Variants in DLG2 observed in about 807,000 individuals in gnomAD.
The protein encoded by DLG2 is disks large homolog 2.
In DLG2, 45 loss-of-function variants were observed where a neutral mutation model predicts 132.5. The ratio of observed to expected loss-of-function variants is 0.34; its 90% confidence interval spans 0.27 to 0.44. The LOEUF is 0.44. DLG2 is among the 20% of genes least tolerant of loss of function. The pLI, the probability that DLG2 is intolerant of heterozygous loss-of-function variation, is 1.00. For synonymous variants in DLG2, 424 were observed against 419.6 expected (o/e 1.01, Z -0.13); for missense variants, 1,045 against 1,196.9 (o/e 0.87, Z 1.87).
chr11:84,034,502 C>T (rs1229481325), intron 11 of DLG2, among the ~76,000 whole-genome samples: 2 of 152,016 alleles, frequency 1.3e-5, no homozygotes, highest in Non-Finnish European at 2.9e-5. Flanking sequence ...GAAGCTTTTC[C>T]TTGAATATCC....
chr11:83,480,559 A>ATC, intron 22 of DLG2: 1 of 1,541,198 alleles, frequency 6.5e-7, no homozygotes. Context: ...GAAAACTCAG[A>ATC]TAAGATAAAG....
At chr11:85,013,682 T>C (rs578018714) in intron 6 of DLG2, among the ~76,000 whole-genome samples, 2 of 152,252 alleles carry the variant, frequency 1.3e-5, no homozygotes, top group East Asian at 3.9e-4. Flanking sequence ...GAAATGCCCA[T>C]AAGAGAAGAT....
chr11:85,487,668 T>C (rs896448274), intron 3 of DLG2, among the ~76,000 whole-genome samples: 2 of 152,054 alleles, frequency 1.3e-5, no homozygotes, highest in African/African-American at 2.4e-5. Flanking sequence ...GCCTTTAAGA[T>C]GTTTGGCAGT....
chr11:84,218,929 G>T (rs2096876631), intron 8 of DLG2, among the ~76,000 whole-genome samples: 1 of 152,130 alleles, frequency 6.6e-6, no homozygotes, highest in African/African-American at 2.4e-5. Flanking sequence ...TTAAGTGAGA[G>T]AAAAATATTT....
intron 3 of DLG2, among the ~76,000 whole-genome samples, chr11:85,424,632 C>G (rs1169161844): frequency 1.3e-5 from 2 of 152,166 alleles, no homozygotes; most frequent in African/African-American, 4.8e-5. Context: ...CATTACTATT[C>G]TCTTATATAT....
At chr11:84,239,811 A>C (rs900518686) in intron 8 of DLG2, among the ~76,000 whole-genome samples, 3 of 152,200 alleles carry the variant, frequency 2.0e-5, no homozygotes, top group Non-Finnish European at 4.4e-5. Flanking sequence ...TGAAATTAGA[A>C]ATGATGAAAA....
At chr11:84,080,497 G>C (rs1054202322) in intron 10 of DLG2, among the ~76,000 whole-genome samples, 1 of 152,046 alleles carries the variant, frequency 6.6e-6, no homozygotes, top group Non-Finnish European at 1.5e-5. Context: ...TCTCACATAA[G>C]GCACAATCAA....
intron 7 of DLG2, among the ~76,000 whole-genome samples, chr11:84,368,274 A>T (rs1434033039): frequency 6.6e-6 from 1 of 152,098 alleles, no homozygotes; most frequent in Non-Finnish European, 1.5e-5. Flanking sequence ...AAAATATCTT[A>T]TTTTAGCTTT....
At chr11:83,628,916 A>T (rs1438740738) in intron 19 of DLG2, among the ~76,000 whole-genome samples, 1 of 152,208 alleles carries the variant, frequency 6.6e-6, no homozygotes, top group Non-Finnish European at 1.5e-5. Flanking sequence ...AATGGAAAAT[A>T]ACAAAGTACA....
At position 83,804,941 on chromosome 11, in the gene DLG2, ACT is replaced by A. The variant is rs572521086; in HGVS notation, c.1723-18151_1723-18150del. On this transcript the variant is annotated intron_variant, in intron 17 of 27. Transcript: ENST00000376104. The stretch of plus-strand genomic sequence containing the variant: ...CTACATTTTTCTTTAAATAAAATTT[ACT>A]CTTTTTTTAAAAATAATTTCAGTCA... Among the ~76,000 whole-genome samples, 411 of 152,094 alleles carry A rather than the reference ACT, an allele frequency of 2.7e-3. 4 individuals carry two copies. The highest frequency in any genetic ancestry group is 0.01 in the Middle Eastern group (3 of 294).
intron 4 of DLG2, among the ~76,000 whole-genome samples, chr11:85,259,787 T>C (rs1337056980): frequency 1.3e-5 from 2 of 152,018 alleles, no homozygotes; most frequent in Non-Finnish European, 2.9e-5. Flanking sequence ...CACATTAGCC[T>C]CCACCTCACT....
chr11:83,674,980 G>C (rs1592231971), intron 18 of DLG2, among the ~76,000 whole-genome samples: 1 of 152,226 alleles, frequency 6.6e-6, no homozygotes, highest in Admixed American at 6.5e-5. Flanking sequence ...GCATTTGGAT[G>C]CCAGAAAATT....
intron 6 of DLG2, among the ~76,000 whole-genome samples, chr11:84,666,109 C>T (rs973633929): frequency 6.6e-6 from 1 of 152,112 alleles, no homozygotes; most frequent in Non-Finnish European, 1.5e-5. Flanking sequence ...TTATTTGCTG[C>T]TCAGCCAGAT....
intron 4 of DLG2, among the ~76,000 whole-genome samples, chr11:85,181,690 A>G (rs1364694920): frequency 6.6e-6 from 1 of 151,882 alleles, no homozygotes; most frequent in Non-Finnish European, 1.5e-5. Flanking sequence ...ATTTGTATTA[A>G]GAGTGTACTT....
In DLG2 at chr11:83,831,522, G is replaced by A. The variant is rs532252012; in HGVS notation, c.1722+2092C>T. On this transcript the variant is annotated intron_variant, in intron 17 of 27. Coordinates refer to ENST00000376104, the MANE Select transcript of DLG2 (RefSeq NM_001142699.3). ...ATTCAGGTAAACTGTGTGTGTGTGT[G>A]TGTGTATGTCAGAGAGAGAGAGAGA... is the stretch of plus-strand genomic sequence containing the variant. Among the ~76,000 whole-genome samples the A allele has an allele frequency of 5.9e-4, 90 of 152,184 alleles. 1 individual carries two copies. Among genetic ancestry groups the A allele is most frequent in the African/African-American group, 2.1e-3 (87 of 41,502 alleles).
intron 4 of DLG2, among the ~76,000 whole-genome samples, chr11:85,174,913 C>T (rs2079114618): frequency 6.6e-6 from 1 of 151,990 alleles, no homozygotes; most frequent in African/African-American, 2.4e-5. Flanking sequence ...AAGACAGAAC[C>T]AGGGCAAAAA....
At chr11:84,587,767 C>T (rs2099533167) in intron 6 of DLG2, among the ~76,000 whole-genome samples, 1 of 152,132 alleles carries the variant, frequency 6.6e-6, no homozygotes, top group African/African-American at 2.4e-5. Flanking sequence ...TAAAGAACTC[C>T]ATGAAAACCT....
intron 10 of DLG2, among the ~76,000 whole-genome samples, chr11:84,068,149 T>C (rs540334540): frequency 2.4e-4 from 36 of 152,336 alleles, no homozygotes; most frequent in African/African-American, 7.9e-4. Flanking sequence ...TCCAAAAAGA[T>C]GGGGAATAAA....
intron 6 of DLG2, among the ~76,000 whole-genome samples, chr11:84,833,353 TC>T (rs1566088919): frequency 1.3e-5 from 2 of 151,472 alleles, no homozygotes; most frequent in African/African-American, 4.8e-5. Flanking sequence ...TATTTACTGC[TC>T]CTAGCACAAG....
Sources: allele counts gnomAD v4.1 joint callset (sites outside exome capture counted in the v4.1 genomes callset), GRCh38; gene constraint gnomAD v4.1.1; transcripts MANE v1.5; gene names NCBI Gene and HGNC (gene_info 2026-07-23, HGNC 2026-07-21).